Variants in CNTNAP2 observed in about 807,000 individuals in gnomAD.
CNTNAP2 encodes the protein contactin-associated protein-like 2.
A neutral mutation model predicts 155.2 loss-of-function variants in CNTNAP2; 98 were observed. The ratio of observed to expected loss-of-function variants is 0.63; its 90% CI spans 0.54 to 0.75. The LOEUF is 0.75. Among genes scored for constraint, CNTNAP2 ranks in the 30% least tolerant of loss-of-function variants. The pLI is 0.00. For missense variants in CNTNAP2, 1,727 were observed against 1,688.1 expected (o/e 1.02, Z -0.40); for synonymous variants, 651 against 631.2 (o/e 1.03, Z -0.47).
At chr7:147,647,128 C>T (rs1340612789) in intron 13 of CNTNAP2, among the ~76,000 whole-genome samples, 3 of 151,794 alleles carry the variant, frequency 2.0e-5, no homozygotes, top group African/African-American at 7.3e-5. Flanking sequence ...GCTGGGACTA[C>T]AGGCGCATGC....
At chr7:147,294,241 T>A (rs964596075) in intron 8 of CNTNAP2, among the ~76,000 whole-genome samples, 1 of 152,250 alleles carries the variant, frequency 6.6e-6, no homozygotes, top group Non-Finnish European at 1.5e-5. Flanking sequence ...AAGGCCTAAG[T>A]GAAGATGTCA....
At chr7:146,562,695 C>T (rs940041947) in intron 1 of CNTNAP2, among the ~76,000 whole-genome samples, 1 of 152,082 alleles carries the variant, frequency 6.6e-6, no homozygotes, top group South Asian at 2.1e-4. Context: ...CATTAGCTTT[C>T]ATTTTTATGA....
At chr7:148,300,228 T>C (rs921440325) in intron 21 of CNTNAP2, among the ~76,000 whole-genome samples, 3 of 152,220 alleles carry the variant, frequency 2.0e-5, no homozygotes, top group Admixed American at 2.0e-4. Context: ...GGTTTCATGA[T>C]AGGCCCTTTA....
Position 148,295,560 on chromosome 7 carries a change from C to T in CNTNAP2, c.3475+28434C>T, listed in dbSNP as rs535247715. Reference sequence around the variant, plus strand: ...AGGCGGGAGTGCTGTGGCGCAGTCTCGGCTCACTGCAAGCTCCGCCTCCCG... The same window carrying T: ...AGGCGGGAGTGCTGTGGCGCAGTCTTGGCTCACTGCAAGCTCCGCCTCCCG... On this transcript the variant is annotated intron_variant, in intron 21 of 23. Transcript: ENST00000361727. Among the ~76,000 whole-genome samples, 678 of 144,928 alleles carry T rather than the reference C, an allele frequency of 4.7e-3. 6 individuals are homozygous for T. The highest frequency in any genetic ancestry group is 0.017 in the African/African-American group (641 of 38,198).
chr7:147,920,565 A>C (rs1471987533), intron 14 of CNTNAP2, among the ~76,000 whole-genome samples: 2 of 152,096 alleles, frequency 1.3e-5, no homozygotes, highest in African/African-American at 4.8e-5. Context: ...GTAGATGATT[A>C]TATAGCAGTT....
intron 1 of CNTNAP2, among the ~76,000 whole-genome samples, chr7:146,334,215 A>T (rs1267609127): frequency 1.3e-5 from 2 of 152,124 alleles, no homozygotes; most frequent in African/African-American, 4.8e-5. Flanking sequence ...GCAGATTAGG[A>T]GGTCAGGAGA....
intron 1 of CNTNAP2, among the ~76,000 whole-genome samples, chr7:146,594,612 G>C (rs879447608): frequency 2.6e-5 from 4 of 152,144 alleles, no homozygotes; most frequent in Non-Finnish European, 5.9e-5. Flanking sequence ...TACATAAAAA[G>C]TGAATTTCTT....
chr7:147,639,351 G>A, intron 13 of CNTNAP2, 45 bp downstream of exon 13: 5 of 1,570,360 alleles, frequency 3.2e-6, no homozygotes, highest in Middle Eastern at 1.7e-4. Context: ...ATCTCAGCTG[G>A]TGCTTAGAAT....
intron 3 of CNTNAP2, among the ~76,000 whole-genome samples, chr7:146,964,143 G>A (rs1163522239): frequency 6.6e-6 from 1 of 152,120 alleles, no homozygotes; most frequent in Non-Finnish European, 1.5e-5. Context: ...TTTCTTCATA[G>A]CCTTAGTCCA....
At chr7:147,193,582 G>A (rs1048833729) in intron 8 of CNTNAP2, among the ~76,000 whole-genome samples, 1 of 152,132 alleles carries the variant, frequency 6.6e-6, no homozygotes, top group African/African-American at 2.4e-5. Context: ...GAGCATTGAG[G>A]GAACATGGAG....
At chr7:147,657,510 GT>G (rs1457921030) in intron 13 of CNTNAP2, among the ~76,000 whole-genome samples, 1 of 151,002 alleles carries the variant, frequency 6.6e-6, no homozygotes, top group East Asian at 1.9e-4. Context: ...TTTAAGAACT[GT>G]TTTTTTCCAT....
intron 13 of CNTNAP2, among the ~76,000 whole-genome samples, chr7:147,779,079 CT>C (rs924241415): frequency 1.9e-3 from 295 of 151,710 alleles, no homozygotes; most frequent in Middle Eastern, 6.8e-3. Context: ...AGCATGCAAT[CT>C]TTTTTTTTGT....
At chr7:147,502,242 TCA>T (rs1798828413) in intron 11 of CNTNAP2, among the ~76,000 whole-genome samples, 1 of 152,104 alleles carries the variant, frequency 6.6e-6, no homozygotes. Context: ...TCATGTGGAA[TCA>T]CAAAAGACCC....
chr7:146,915,792 G>C (rs922701546), intron 3 of CNTNAP2: 4 of 151,988 alleles, frequency 2.6e-5, no homozygotes, highest in Non-Finnish European at 5.9e-5. Context: ...CCTCTCTACT[G>C]ATTTAGATAC....
intron 13 of CNTNAP2, among the ~76,000 whole-genome samples, chr7:147,682,730 ATT>A (rs1470774057): frequency 1.3e-5 from 2 of 152,034 alleles, no homozygotes; most frequent in East Asian, 3.9e-4. Flanking sequence ...TAATTGCCTC[ATT>A]ATGCAAAGTG....
At chr7:147,341,505 A>T (rs1368270201) in intron 9 of CNTNAP2, among the ~76,000 whole-genome samples, 1 of 152,076 alleles carries the variant, frequency 6.6e-6, no homozygotes, top group African/African-American at 2.4e-5. Flanking sequence ...TTAAAAATGG[A>T]ATTGTCTGAG....
At chr7:147,714,479 A>G (rs1468820832) in intron 13 of CNTNAP2, among the ~76,000 whole-genome samples, 2 of 151,850 alleles carry the variant, frequency 1.3e-5, no homozygotes, top group East Asian at 1.9e-4. Context: ...AAAAGACAAG[A>G]GGGAGCAAGA....
At chr7:146,677,689 G>GT (rs1488841972) in intron 1 of CNTNAP2, among the ~76,000 whole-genome samples, 5 of 77,816 alleles carry the variant, frequency 6.4e-5, no homozygotes, top group Non-Finnish European at 1.5e-4. Context: ...TATAGTTGGT[G>GT]ATTTTTTTTT....
At chr7:148,200,986 G>T (rs1585183681) in intron 18 of CNTNAP2, among the ~76,000 whole-genome samples, 1 of 152,200 alleles carries the variant, frequency 6.6e-6, no homozygotes, top group East Asian at 1.9e-4. Flanking sequence ...TTGGATTCAG[G>T]TGATGAGATT....
Sources: allele counts gnomAD v4.1 joint callset (sites outside exome capture counted in the v4.1 genomes callset), GRCh38; gene constraint gnomAD v4.1.1; transcripts MANE v1.5; gene names NCBI Gene and HGNC (gene_info 2026-07-23, HGNC 2026-07-21).